CHSY1: variants seen among roughly 807,000 people sequenced by gnomAD.
The protein encoded by CHSY1 is chondroitin sulfate synthase 1.
CHSY1 carries 13 observed loss-of-function variants against 59.8 expected under a neutral mutation model. The ratio of observed to expected loss-of-function variants is 0.22; its 90% confidence interval spans 0.14 to 0.35. CHSY1 has a LOEUF of 0.35. CHSY1 is among the 10% of genes least tolerant of loss of function. The pLI is 1.00. For missense variants in CHSY1, 947 were observed against 1,030.6 expected (o/e 0.92, Z 1.11); for synonymous variants, 459 against 401.2 (o/e 1.14, Z -1.72).
intron 2 of CHSY1, among the ~76,000 whole-genome samples, chr15:101,182,572 G>A (rs940940242): frequency 1.3e-5 from 2 of 152,220 alleles, no homozygotes; most frequent in Non-Finnish European, 2.9e-5. Flanking sequence ...AGGTGGTGAG[G>A]TGCAAGTCTG....
intron 2 of CHSY1, among the ~76,000 whole-genome samples, chr15:101,194,004 A>G (rs1233754908): frequency 2.0e-5 from 3 of 152,254 alleles, no homozygotes; most frequent in Non-Finnish European, 2.9e-5. Context: ...CCATGTGCTC[A>G]GGGGCGGTCA....
chr15:101,218,226 GA>G (rs1276843796), intron 2 of CHSY1, among the ~76,000 whole-genome samples: 1 of 152,164 alleles, frequency 6.6e-6, no homozygotes, highest in Non-Finnish European at 1.5e-5. Context: ...TATGACAATA[GA>G]AAAAAGACAG....
intron 2 of CHSY1, chr15:101,186,799 C>CAAAAA (rs71154311): frequency 2.0e-5 from 3 of 152,148 alleles, no homozygotes; most frequent in East Asian, 1.9e-4. Flanking sequence ...AAGACCCTGT[C>CAAAAA]AAACAAAAAC....
chr15:101,236,930 G>A (rs1367182643), intron 1 of CHSY1, among the ~76,000 whole-genome samples: 1 of 151,654 alleles, frequency 6.6e-6, no homozygotes, highest in Non-Finnish European at 1.5e-5. Flanking sequence ...TAATATAGAG[G>A]CAAATGTGGC....
At chr15:101,205,933 AAG>A (rs1018035404) in intron 2 of CHSY1, among the ~76,000 whole-genome samples, 2 of 151,458 alleles carry the variant, frequency 1.3e-5, no homozygotes, top group Non-Finnish European at 2.9e-5. Flanking sequence ...GCCTGGGCGA[AAG>A]AGAGAGACTC....
At chr15:101,219,242 C>T (rs1224342273) in intron 2 of CHSY1, among the ~76,000 whole-genome samples, 1 of 152,196 alleles carries the variant, frequency 6.6e-6, no homozygotes, top group African/African-American at 2.4e-5. Flanking sequence ...ATTATAACTG[C>T]CTCCTGAAAT....
At chr15:101,219,622 C>G (rs1477632664) in intron 2 of CHSY1, among the ~76,000 whole-genome samples, 1 of 152,190 alleles carries the variant, frequency 6.6e-6, no homozygotes, top group Non-Finnish European at 1.5e-5. Flanking sequence ...GTGCTGACCA[C>G]CAACCATCTG....
intron 2 of CHSY1, among the ~76,000 whole-genome samples, chr15:101,200,246 T>A (rs1216086934): frequency 6.6e-6 from 1 of 151,996 alleles, no homozygotes; most frequent in Non-Finnish European, 1.5e-5. Flanking sequence ...TTAAAGAGTA[T>A]CCACGTAAAA....
At chr15:101,180,173 T>C (rs749056187) in intron 2 of CHSY1, among the ~76,000 whole-genome samples, 3 of 152,232 alleles carry the variant, frequency 2.0e-5, no homozygotes, top group Non-Finnish European at 4.4e-5. Flanking sequence ...TGGGCACTTT[T>C]ATACCTTACT....
Position 101,248,193 on chromosome 15 carries a change from T to C in CHSY1, c.320+2944A>G, listed in dbSNP as rs76842841. On this transcript the variant is annotated intron_variant, in intron 1 of 2. Coordinates refer to ENST00000254190, the MANE Select transcript of CHSY1 (RefSeq NM_014918.5). ...TCAAGCTTACTTTTATACTGAACTG[T>C]GCATGGAATTTCCAATTTAAGAGCT... 3.3e-3 allele frequency among the ~76,000 whole-genome samples: 504 copies of C among 152,340 alleles called. 1 individual carries two copies. Among genetic ancestry groups the C allele is most frequent in the African/African-American group, 0.011 (444 of 41,574 alleles).
chr15:101,237,317 G>C (rs545318861), intron 1 of CHSY1, among the ~76,000 whole-genome samples: 1 of 151,654 alleles, frequency 6.6e-6, no homozygotes, highest in South Asian at 2.1e-4. Context: ...AAGAGCCACA[G>C]GAAGCCTCTA....
chr15:101,209,660 G>C (rs1212447440), intron 2 of CHSY1, among the ~76,000 whole-genome samples: 1 of 152,208 alleles, frequency 6.6e-6, no homozygotes, highest in Non-Finnish European at 1.5e-5. Context: ...GAAGTCAGCA[G>C]AGGAGGAGAA....
rs192110922 is a variant in CHSY1 at position 101,225,328 on chromosome 15, G to A, written c.816+9754C>T. On this transcript the variant is annotated intron_variant, in intron 2 of 2. Coordinates refer to ENST00000254190, the MANE Select transcript of CHSY1 (RefSeq NM_014918.5). ...AGTGATTCTCCCACCTTGGTGCTGCGATTACAGGCGTGAGCCACTGCTGAG... is the reference window on the plus strand; with the variant it reads ...AGTGATTCTCCCACCTTGGTGCTGCAATTACAGGCGTGAGCCACTGCTGAG... Among the ~76,000 whole-genome samples the A allele has an allele frequency of 2.6e-5, 4 of 152,186 alleles. No homozygotes were observed. In the East Asian group the frequency reaches 7.7e-4, roughly 29 times the overall value.
At chr15:101,237,588 GA>G (rs750495752) in intron 1 of CHSY1, among the ~76,000 whole-genome samples, 13 of 152,262 alleles carry the variant, frequency 8.5e-5, no homozygotes, top group Non-Finnish European at 1.6e-4. Context: ...CAACTGCGAG[GA>G]AACCACGTAA....
intron 2 of CHSY1, among the ~76,000 whole-genome samples, chr15:101,220,132 G>GT (rs1221295268): frequency 6.6e-6 from 1 of 152,168 alleles, no homozygotes; most frequent in Non-Finnish European, 1.5e-5. Flanking sequence ...AACTATTAAT[G>GT]TAATAAGTAC....
chr15:101,251,571 C>T lies in CHSY1; in HGVS notation c.-115G>A, dbSNP rs1237078680. The stretch of plus-strand genomic sequence containing the variant: ...GCGCCGCGAGGCCCGGCCCGGGCAG[C>T]GCCGCCGCCGCCGCGGGCCCGCCGC... On this transcript the variant is annotated 5_prime_UTR_variant, in exon 1 of 3. Coordinates refer to ENST00000254190, the MANE Select transcript of CHSY1 (RefSeq NM_014918.5). 1 of 148,954 alleles carries T rather than the reference C, an allele frequency of 6.7e-6. No homozygotes were observed. The highest frequency in any genetic ancestry group is 2.5e-5 in the African/African-American group (1 of 40,298). 9.2% of individuals were successfully genotyped at this position (148,954 alleles called of 1,614,324 possible). A position where few individuals can be genotyped will look rare whatever the true frequency, so the allele number is the denominator to read the frequency against.
intron 2 of CHSY1, chr15:101,187,942 A>G: frequency 2.5e-6 from 2 of 809,216 alleles, no homozygotes; most frequent in Non-Finnish European, 3.0e-6. Context: ...CTTCTAGCCC[A>G]GCTGGGAATA....
At chr15:101,241,556 T>C (rs916830349) in intron 1 of CHSY1, among the ~76,000 whole-genome samples, 3 of 152,208 alleles carry the variant, frequency 2.0e-5, no homozygotes, top group Non-Finnish European at 2.9e-5. Flanking sequence ...AATTTTTTTA[T>C]CCAACAAGAA....
Position 101,176,390 on chromosome 15 carries a change from G to A in CHSY1, c.*998C>T, listed in dbSNP as rs974987354. ...GGTGTATGTGTGTATGTTTCAGTCT[G>A]TGTACATCAGATTTATTGTAATAAT... is the stretch of plus-strand genomic sequence containing the variant. On this transcript the variant is annotated 3_prime_UTR_variant, in exon 3 of 3. Coordinates refer to ENST00000254190, the MANE Select transcript of CHSY1 (RefSeq NM_014918.5). The A allele has an allele frequency of 8.0e-5, 32 of 398,450 alleles. No individual in the cohort carries two copies. The highest frequency in any genetic ancestry group is 1.3e-4 in the Non-Finnish European group (29 of 226,052). The allele number at this position is 398,450 out of a possible 1,614,324, so 24.7% of individuals were successfully genotyped here.
Sources: allele counts gnomAD v4.1 joint callset (sites outside exome capture counted in the v4.1 genomes callset), GRCh38; gene constraint gnomAD v4.1.1; transcripts MANE v1.5; gene names NCBI Gene and HGNC (gene_info 2026-07-23, HGNC 2026-07-21).